The following CRK variants were observed in gnomAD, a reference collection of about 807,000 sequenced individuals.
CRK encodes the protein adapter molecule crk.
Under a neutral mutation model 29.8 loss-of-function variants are expected in CRK, and 4 were observed. That is an observed-to-expected ratio of 0.13 (90% CI 0.07 to 0.31). CRK has a LOEUF of 0.31. Ranked by LOEUF, CRK falls within the 10% of genes least tolerant of loss-of-function variation. The pLI is 1.00. For synonymous variants in CRK, 153 were observed against 164.9 expected (o/e 0.93, Z 0.55); for missense variants, 274 against 396.5 (o/e 0.69, Z 2.62).
rs2073744746 is a variant in CRK, at chr17:1,423,232, G to T, written c.*281C>A. 1 of 506,248 alleles carries T rather than the reference G, an allele frequency of 2.0e-6. No individual in the cohort carries two copies. Among genetic ancestry groups the T allele is most frequent in the South Asian group, 3.3e-5 (1 of 29,902 alleles). 31.4% of individuals were successfully genotyped at this position (506,248 alleles called of 1,614,324 possible). A position where few individuals can be genotyped will look rare whatever the true frequency, so the allele number is the denominator to read the frequency against. ...ACAGGGTGATTTGCACTGCCTGAGAGAAAGGAGGCAAGATACCTATCCCTT... is the reference window on the plus strand; with the variant it reads ...ACAGGGTGATTTGCACTGCCTGAGATAAAGGAGGCAAGATACCTATCCCTT... On this transcript the variant is annotated 3_prime_UTR_variant, in exon 3 of 3. Coordinates refer to ENST00000300574, the MANE Select transcript of CRK (RefSeq NM_016823.4).
chr17:1,435,549 C>A (rs542882343), intron 2 of CRK, among the ~76,000 whole-genome samples: 2 of 152,122 alleles, frequency 1.3e-5, no homozygotes, highest in Admixed American at 1.3e-4. Context: ...TCTGAACTCA[C>A]AGGAAGACCT....
intron 1 of CRK, among the ~76,000 whole-genome samples, chr17:1,452,137 G>A (rs2074023005): frequency 6.6e-6 from 1 of 152,168 alleles, no homozygotes; most frequent in South Asian, 2.1e-4. Flanking sequence ...TCAGCTCTCA[G>A]GTCAGAATGC....
At chr17:1,443,290 C>T (rs1375502391) in intron 1 of CRK, among the ~76,000 whole-genome samples, 2 of 152,032 alleles carry the variant, frequency 1.3e-5, no homozygotes, top group Admixed American at 6.6e-5. Context: ...CCGCAGCCTC[C>T]ACTTTCTAGG....
chr17:1,443,382 G>C (rs1352618674), intron 1 of CRK, among the ~76,000 whole-genome samples: 3 of 151,590 alleles, frequency 2.0e-5, no homozygotes, highest in Non-Finnish European at 4.4e-5. Flanking sequence ...GCTAATTTTT[G>C]TATTTTTTAT....
chr17:1,448,287 T>A (rs2073990310), intron 1 of CRK, among the ~76,000 whole-genome samples: 1 of 152,182 alleles, frequency 6.6e-6, no homozygotes, highest in Non-Finnish European at 1.5e-5. Context: ...CACCCCCGAC[T>A]CTGCAAAATG....
chr17:1,428,683 CCTG>C (rs1455559010), intron 2 of CRK, among the ~76,000 whole-genome samples: 1 of 150,808 alleles, frequency 6.6e-6, no homozygotes, highest in African/African-American at 2.4e-5. Context: ...GCCACCACGC[CCTG>C]CTAATTTTTG....
At chr17:1,431,345 C>T (rs1288574177) in intron 2 of CRK, among the ~76,000 whole-genome samples, 1 of 152,134 alleles carries the variant, frequency 6.6e-6, no homozygotes, top group East Asian at 1.9e-4. Context: ...GCAGTTCTTC[C>T]TCCAATTCAG....
At chr17:1,455,141 T>C (rs1289614763) in intron 1 of CRK, among the ~76,000 whole-genome samples, 1 of 152,166 alleles carries the variant, frequency 6.6e-6, no homozygotes, top group African/African-American at 2.4e-5. Flanking sequence ...ACTAAACACT[T>C]TGAAAACCAG....
chr17:1,450,236 C>T (rs925205068), intron 1 of CRK, among the ~76,000 whole-genome samples: 1 of 151,922 alleles, frequency 6.6e-6, no homozygotes, highest in African/African-American at 2.4e-5. Flanking sequence ...AAATAAGGCG[C>T]GGTGGCTCAG....
At chr17:1,446,881 C>A (rs1568020401) in intron 1 of CRK, among the ~76,000 whole-genome samples, 1 of 152,184 alleles carries the variant, frequency 6.6e-6, no homozygotes, top group Non-Finnish European at 1.5e-5. Flanking sequence ...GCGTGAGCCA[C>A]CACGCCCGGC....
chr17:1,450,393 G>C (rs1441156034), intron 1 of CRK, among the ~76,000 whole-genome samples: 2 of 151,922 alleles, frequency 1.3e-5, no homozygotes, highest in Non-Finnish European at 2.9e-5. Flanking sequence ...TGTAGTCCCA[G>C]CTGCTCAGGA....
rs552774877 is a variant in CRK, at chr17:1,422,864, T to A, written c.*649A>T. 97 of 398,518 alleles carry A rather than the reference T, an allele frequency of 2.4e-4. No individual in the cohort carries two copies. Among genetic ancestry groups the A allele is most frequent in the Admixed American group, 6.2e-4 (14 of 22,724 alleles). 24.7% of individuals were successfully genotyped at this position (398,518 alleles called of 1,614,324 possible). A position where few individuals can be genotyped will look rare whatever the true frequency, so the allele number is the denominator to read the frequency against. ...CACCTGGAATGAAAATACACACTTA[T>A]CTTAGGAATTCACCTACTTACAGGT... On this transcript the variant is annotated 3_prime_UTR_variant, in exon 3 of 3. Transcript: ENST00000300574.
chr17:1,449,682 A>G (rs942059092), intron 1 of CRK, among the ~76,000 whole-genome samples: 4 of 152,152 alleles, frequency 2.6e-5, no homozygotes, highest in Non-Finnish European at 5.9e-5. Flanking sequence ...TTCAAGAGAA[A>G]AAAAACTAGT....
chr17:1,442,985 T>C (rs1258100499), intron 1 of CRK, among the ~76,000 whole-genome samples: 1 of 29,506 alleles, frequency 3.4e-5, no homozygotes, highest in Non-Finnish European at 1.1e-4. Context: ...CCTTTCTTTC[T>C]TTTTTTTTTT....
Position 1,423,139 on chromosome 17 carries a change from G to C in CRK, c.*374C>G, listed in dbSNP as rs1052980209. The C allele has an allele frequency of 4.6e-6, 2 of 433,152 alleles. No homozygotes were observed. Among genetic ancestry groups the C allele is most frequent in the African/African-American group, 4.1e-5 (2 of 49,114 alleles). The allele number at this position is 433,152 out of a possible 1,614,324, so 26.8% of individuals were successfully genotyped here. A position where few individuals can be genotyped will look rare whatever the true frequency, so the allele number is the denominator to read the frequency against. On this transcript the variant is annotated 3_prime_UTR_variant, in exon 3 of 3. Transcript: ENST00000300574. ...CCATTTGATAGTATGGTTCCAGAAT[G>C]AAAACAAAACCACTGAATAAATCAG...
intron 1 of CRK, among the ~76,000 whole-genome samples, chr17:1,445,410 T>C (rs1476944236): frequency 1.3e-5 from 2 of 152,106 alleles, no homozygotes; most frequent in African/African-American, 4.8e-5. Context: ...TTTAAGACAC[T>C]GAAAGGGGTG....
intron 1 of CRK, among the ~76,000 whole-genome samples, chr17:1,443,791 C>T (rs2073953248): frequency 6.6e-6 from 1 of 151,442 alleles, no homozygotes; most frequent in East Asian, 1.9e-4. Flanking sequence ...CCTCTGCCTC[C>T]TGGGTTCATG....
chr17:1,456,170 G>C lies in CRK; in HGVS notation c.-53C>G. On this transcript the variant is annotated 5_prime_UTR_variant, in exon 1 of 3. Transcript: ENST00000300574. ...TGCCGCCGCCGCGCGCGCCCCTCCG[G>C]CCCCCGGCGCCCGCCGCCCAGCGGA... 1 of 1,384,302 alleles carries C rather than the reference G, an allele frequency of 7.2e-7. No homozygotes were observed. Among genetic ancestry groups the C allele is most frequent in the Non-Finnish European group, 9.3e-7 (1 of 1,073,336 alleles). The allele number at this position is 1,384,302 out of a possible 1,614,324, so 85.8% of individuals were successfully genotyped here.
intron 2 of CRK, among the ~76,000 whole-genome samples, chr17:1,430,710 T>C (rs1297622309): frequency 6.6e-6 from 1 of 151,382 alleles, no homozygotes; most frequent in Non-Finnish European, 1.5e-5. Flanking sequence ...AAGCAATCAA[T>C]TGGGCTAATT....
Sources: allele counts gnomAD v4.1 joint callset (sites outside exome capture counted in the v4.1 genomes callset), GRCh38; gene constraint gnomAD v4.1.1; transcripts MANE v1.5; gene names NCBI Gene and HGNC (gene_info 2026-07-23, HGNC 2026-07-21).